SH3RF2: variants seen among roughly 807,000 people sequenced by gnomAD.
SH3RF2 encodes E3 ubiquitin-protein ligase SH3RF2.
In SH3RF2, 43 loss-of-function variants were observed where a neutral mutation model predicts 59.0. The observed-to-expected ratio is 0.73, with a 90% CI of 0.57 to 0.94. The LOEUF (loss-of-function observed/expected upper bound fraction) is 0.94. SH3RF2 is among the 40% of genes least tolerant of loss of function. The probability of loss-of-function intolerance (pLI) is 0.00; values close to 1 mark genes in which losing one functional copy is unlikely to be tolerated. For synonymous variants in SH3RF2, 391 were observed against 391.5 expected (o/e 1.00, Z 0.01); for missense variants, 930 against 940.1 (o/e 0.99, Z 0.14).
chr5:146,052,447 A>G (rs1762534016), intron 7 of SH3RF2, among the ~76,000 whole-genome samples: 1 of 152,206 alleles, frequency 6.6e-6, no homozygotes, highest in Non-Finnish European at 1.5e-5. Context: ...ATAGATTGCC[A>G]TTGAGTTCTC....
intron 5 of SH3RF2, among the ~76,000 whole-genome samples, chr5:146,025,007 G>A (rs1243730736): frequency 2.0e-5 from 3 of 152,034 alleles, no homozygotes; most frequent in Admixed American, 2.0e-4. Context: ...TTTCATTAGG[G>A]GTTGCAAAAT....
chr5:145,974,835 C>T (rs1009173924), intron 2 of SH3RF2, among the ~76,000 whole-genome samples: 62 of 152,132 alleles, frequency 4.1e-4, no homozygotes, highest in African/African-American at 1.4e-3. Flanking sequence ...ACAGAGCTTC[C>T]AAACATATGC....
chr5:146,013,968 G>T lies in SH3RF2; in HGVS notation c.966G>T (p.Glu322Asp). 6.2e-7 allele frequency: 1 copy of T among 1,614,126 alleles called. No homozygotes were observed. The highest frequency in any genetic ancestry group is 8.5e-7 in the Non-Finnish European group (1 of 1,180,016). The part of the protein sequence containing the change: ...VHSPSGRHMV[E>D]ISTPVLISSS... Reference sequence around the variant, plus strand: ...CTCCTTCAGGGCGCCATATGGTAGAGATCAGCACCCCAGTGCTCATCAGCT... The same window carrying T: ...CTCCTTCAGGGCGCCATATGGTAGATATCAGCACCCCAGTGCTCATCAGCT... The change falls in exon 5 of 10, where the codon GAG becomes GAT. Residue 322 changes from glutamate to aspartate, a missense_variant. Coordinates refer to ENST00000359120, the MANE Select transcript of SH3RF2 (RefSeq NM_152550.4).
intron 2 of SH3RF2, among the ~76,000 whole-genome samples, chr5:145,942,018 TG>T (rs1307534649): frequency 1.3e-5 from 2 of 152,342 alleles, no homozygotes; most frequent in East Asian, 3.9e-4. Context: ...TGCATTGTTT[TG>T]TTTGCCTCCA....
chr5:145,998,590 C>T (rs1003152857), intron 2 of SH3RF2, among the ~76,000 whole-genome samples: 1 of 152,116 alleles, frequency 6.6e-6, no homozygotes, highest in Non-Finnish European at 1.5e-5. Flanking sequence ...TAAAGCAAGT[C>T]AAACACTTTT....
intron 5 of SH3RF2, among the ~76,000 whole-genome samples, chr5:146,032,899 C>T (rs1168395751): frequency 1.3e-5 from 2 of 152,200 alleles, no homozygotes; most frequent in Non-Finnish European, 2.9e-5. Flanking sequence ...CGACTCCTGC[C>T]CTCTAGAACC....
At chr5:145,969,052 C>T (rs779447794) in intron 2 of SH3RF2, among the ~76,000 whole-genome samples, 1 of 152,036 alleles carries the variant, frequency 6.6e-6, no homozygotes, top group African/African-American at 2.4e-5. Flanking sequence ...CTTCTCAGGT[C>T]CCACCAGATA....
At chr5:146,038,783 T>C (rs1163271393) in intron 5 of SH3RF2, among the ~76,000 whole-genome samples, 1 of 152,236 alleles carries the variant, frequency 6.6e-6, no homozygotes, top group Admixed American at 6.5e-5. Context: ...GTCTGTTTGC[T>C]GTTTGTTTTT....
intron 2 of SH3RF2, among the ~76,000 whole-genome samples, chr5:145,988,267 G>A (rs567777552): frequency 1.3e-5 from 2 of 151,390 alleles, no homozygotes; most frequent in South Asian, 2.1e-4. Context: ...AGCTTCTACC[G>A]TTTGGCCCAG....
rs543563186 is a variant in SH3RF2 at position 146,060,040 on chromosome 5, C to G, written c.1730C>G (p.Thr577Arg). ...GAGATGGGGTCCAAGCCTGCCCTCA[C>G]GGGGGAGCCCGCCCTCACGTGCATC... ...VVEMGSKPAL[T>R]GEPALTCISR... Residue 577 changes from threonine (T) to arginine (R), a missense_variant, in exon 9 of 10, where the codon ACG (threonine) becomes AGG (arginine). By Grantham distance (71) the Thr-to-Arg change is moderately conservative. Transcript: ENST00000359120. The G allele has an allele frequency of 1.2e-6, 2 of 1,612,372 alleles. No individual in the cohort carries two copies. The highest frequency in any genetic ancestry group is 3.3e-5 in the Admixed American group (2 of 59,828).
chr5:145,999,497 T>C (rs1760305341), intron 2 of SH3RF2, among the ~76,000 whole-genome samples: 1 of 152,220 alleles, frequency 6.6e-6, no homozygotes, highest in Non-Finnish European at 1.5e-5. Flanking sequence ...TCATTAAGAT[T>C]AATCATTTCT....
At chr5:145,997,586 A>G in intron 2 of SH3RF2, 2 of 1,606,806 alleles carry the variant, frequency 1.2e-6, no homozygotes, top group Non-Finnish European at 1.7e-6. Flanking sequence ...GCTTGGTTTC[A>G]GCGAGAAAAG....
chr5:146,025,322 G>T (rs1761488366), intron 5 of SH3RF2, among the ~76,000 whole-genome samples: 1 of 152,250 alleles, frequency 6.6e-6, no homozygotes, highest in Non-Finnish European at 1.5e-5. Flanking sequence ...GCCACTGCCA[G>T]CTGGGCTAAT....
chr5:146,045,473 A>G (rs1455015470), intron 5 of SH3RF2, among the ~76,000 whole-genome samples: 1 of 152,218 alleles, frequency 6.6e-6, no homozygotes, highest in Non-Finnish European at 1.5e-5. Context: ...CCGTTTAGCT[A>G]TCACCTCATA....
At chr5:146,034,448 T>C (rs1303548632) in intron 5 of SH3RF2, among the ~76,000 whole-genome samples, 1 of 152,200 alleles carries the variant, frequency 6.6e-6, no homozygotes, top group East Asian at 1.9e-4. Context: ...CAACTTCTGA[T>C]TTCCGCAGAA....
chr5:145,941,003 T>C (rs959418946), intron 2 of SH3RF2, among the ~76,000 whole-genome samples: 1 of 152,194 alleles, frequency 6.6e-6, no homozygotes, highest in African/African-American at 2.4e-5. Context: ...ATTATTGAAC[T>C]TGATTCTATG....
At chr5:146,049,662 A>C (rs1258968362) in intron 7 of SH3RF2, among the ~76,000 whole-genome samples, 1 of 152,046 alleles carries the variant, frequency 6.6e-6, no homozygotes, top group African/African-American at 2.4e-5. Context: ...TGACTTCCCC[A>C]GAGCACCTCG....
intron 5 of SH3RF2, among the ~76,000 whole-genome samples, chr5:146,025,642 A>T (rs1466128330): frequency 6.6e-6 from 1 of 152,248 alleles, no homozygotes; most frequent in Non-Finnish European, 1.5e-5. Context: ...TACAATGAGA[A>T]ATCTCTCCTA....
rs776705857 is a variant in SH3RF2, at chr5:145,986,001, TCAAA to T, written c.379-14056_379-14053del. Among the ~76,000 whole-genome samples, 799 of 106,746 alleles carry T rather than the reference TCAAA, an allele frequency of 7.5e-3. 5 individuals are homozygous for T. The highest frequency in any genetic ancestry group is 0.01 in the Non-Finnish European group (540 of 51,852). The allele number at this position is 106,746 out of a possible 152,430, so 70.0% of individuals were successfully genotyped here. A position where few individuals can be genotyped will look rare whatever the true frequency, so the allele number is the denominator to read the frequency against. ...CCTGGGCAACAGAGCAAGACTTGTC[TCAAA>T]TAAATAAATAAATAAATAAATAAAT... On this transcript the variant is annotated intron_variant, in intron 2 of 9. Coordinates refer to ENST00000359120, the MANE Select transcript of SH3RF2 (RefSeq NM_152550.4).
Sources: gnomAD v4.1 joint callset for allele counts (sites outside exome capture counted in the v4.1 genomes callset) on GRCh38, gnomAD v4.1.1 for gene constraint, MANE v1.5 for transcripts, NCBI Gene and HGNC (gene_info 2026-07-23, HGNC 2026-07-21) for gene names.